The following TDRD5 variants were observed in gnomAD, a reference collection of about 807,000 sequenced individuals.
TDRD5 encodes the protein tudor domain-containing protein 5.
TDRD5 carries 41 observed loss-of-function variants against 120.6 expected under a neutral mutation model. The ratio of observed to expected loss-of-function variants is 0.34; its 90% CI spans 0.26 to 0.44. The LOEUF is 0.44. Ranked by LOEUF, TDRD5 falls within the 20% of genes least tolerant of loss-of-function variation. TDRD5 has a pLI of 1.00. For synonymous variants in TDRD5, 430 were observed against 433.7 expected (o/e 0.99, Z 0.11); for missense variants, 1,006 against 1,221.2 (o/e 0.82, Z 2.63).
intron 6 of TDRD5, among the ~76,000 whole-genome samples, chr1:179,623,020 CAGG>C (rs1312670750): frequency 6.6e-6 from 1 of 152,106 alleles, no homozygotes; most frequent in African/African-American, 2.4e-5. Flanking sequence ...ACACTTCATA[CAGG>C]AGAACAGTGA....
At chr1:179,640,701 G>A (rs186985378) in intron 11 of TDRD5, among the ~76,000 whole-genome samples, 38 of 152,294 alleles carry the variant, frequency 2.5e-4, no homozygotes, top group Admixed American at 1.9e-3. Flanking sequence ...TAATCAGGGA[G>A]GCATTTGAGT....
intron 6 of TDRD5, among the ~76,000 whole-genome samples, chr1:179,628,526 T>C (rs372790141): frequency 6.6e-6 from 1 of 151,184 alleles, no homozygotes; most frequent in East Asian, 1.9e-4. Context: ...GGCTGGTCTC[T>C]AACTCCTGGC....
At chr1:179,678,083 C>T (rs548434824) in intron 17 of TDRD5, among the ~76,000 whole-genome samples, 5 of 151,184 alleles carry the variant, frequency 3.3e-5, no homozygotes, top group Admixed American at 3.3e-4. Flanking sequence ...GCTGCGGCTG[C>T]TATGGGGGTG....
At chr1:179,621,942 T>C (rs1676864622) in intron 6 of TDRD5, among the ~76,000 whole-genome samples, 1 of 152,192 alleles carries the variant, frequency 6.6e-6, no homozygotes. Context: ...ATCCTAACTC[T>C]TAACTACTGT....
intron 6 of TDRD5, among the ~76,000 whole-genome samples, chr1:179,628,319 CTTTTCTTTTTTTTT>C (rs1677245594): frequency 1.3e-5 from 1 of 76,344 alleles, no homozygotes; most frequent in Admixed American, 1.6e-4. Context: ...CTTTTCTTTT[CTTTTCTTTTTTTTT>C]TTTTTTTTTT....
intron 11 of TDRD5, among the ~76,000 whole-genome samples, chr1:179,640,917 A>C (rs1043072859): frequency 1.3e-5 from 2 of 152,176 alleles, no homozygotes; most frequent in Admixed American, 1.3e-4. Context: ...AAGACTGAAC[A>C]TTGTCGTCCT....
In TDRD5 at chr1:179,597,175, A is replaced by G. The variant is rs1675437589; in HGVS notation, c.831+1357A>G. On this transcript the variant is annotated intron_variant, in intron 4 of 17. Coordinates refer to ENST00000444136, the MANE Select transcript of TDRD5 (RefSeq NM_001199085.3). The stretch of plus-strand genomic sequence containing the variant: ...ATTGTATTGAATTGGAAAAATTTAC[A>G]TATTCTAGATGTAAGTCCTTATCAG... Among the ~76,000 whole-genome samples the G allele has an allele frequency of 2.0e-5, 3 of 152,118 alleles. No individual in the cohort carries two copies. In the South Asian group the frequency reaches 6.2e-4, roughly 31 times the overall value.
intron 14 of TDRD5, among the ~76,000 whole-genome samples, chr1:179,661,540 C>G (rs1309973961): frequency 1.3e-5 from 2 of 151,988 alleles, no homozygotes; most frequent in Non-Finnish European, 2.9e-5. Flanking sequence ...TCATTTGATT[C>G]CTTAATAATT....
chr1:179,688,753 CT>C (rs1203858079), intron 17 of TDRD5, among the ~76,000 whole-genome samples: 1 of 152,002 alleles, frequency 6.6e-6, no homozygotes, highest in Non-Finnish European at 1.5e-5. Context: ...TCTTTTTACT[CT>C]TTTTTCTCTA....
At chr1:179,663,907 T>G (rs1381252628) in intron 16 of TDRD5, among the ~76,000 whole-genome samples, 1 of 152,178 alleles carries the variant, frequency 6.6e-6, no homozygotes, top group Non-Finnish European at 1.5e-5. Context: ...TCTAGACTGG[T>G]TTCTTCATTC....
At chr1:179,597,929 G>A (rs78590563) in intron 4 of TDRD5, among the ~76,000 whole-genome samples, 12,923 of 152,202 alleles carry the variant, frequency 0.085, 747 homozygotes, top group Middle Eastern at 0.16. Flanking sequence ...CTTTATTCCT[G>A]TAGCTTTATA....
intron 4 of TDRD5, among the ~76,000 whole-genome samples, chr1:179,617,204 A>C (rs1676606115): frequency 6.6e-6 from 1 of 152,138 alleles, no homozygotes; most frequent in Non-Finnish European, 1.5e-5. Context: ...CATAAACTTG[A>C]TAGGGAGCCA....
In TDRD5 at chr1:179,635,894, G is replaced by T; in HGVS notation, c.1520+7G>T. 6.2e-7 allele frequency: 1 copy of T among 1,610,132 alleles called. No individual in the cohort carries two copies. On this transcript the variant is annotated splice_region_variant and intron_variant, in intron 9 of 17. Coordinates refer to ENST00000444136, the MANE Select transcript of TDRD5 (RefSeq NM_001199085.3). Reference sequence around the variant, plus strand: ...ACATGATGATTGAAATGCGGTAGGAGTCTGTTGTTTTCAATGTGTTTTTCA... The same window carrying T: ...ACATGATGATTGAAATGCGGTAGGATTCTGTTGTTTTCAATGTGTTTTTCA...
chr1:179,600,110 C>T lies in TDRD5; in HGVS notation c.831+4292C>T, dbSNP rs556142208. On this transcript the variant is annotated intron_variant, in intron 4 of 17. Transcript: ENST00000444136. ...TTGTTATCATAGGTGATGACAGCTC[C>T]ATGCATATTATTGTCCCTGAACACC... 8.5e-5 allele frequency among the ~76,000 whole-genome samples: 13 copies of T among 152,166 alleles called. No homozygotes were observed. The South Asian group carries it at 2.7e-3, about 32-fold the overall frequency.
chr1:179,669,739 G>T (rs1417706014), intron 17 of TDRD5, among the ~76,000 whole-genome samples: 1 of 152,144 alleles, frequency 6.6e-6, no homozygotes, highest in African/African-American at 2.4e-5. Context: ...ATTTCCATCA[G>T]CCTGAAAAGT....
intron 4 of TDRD5, among the ~76,000 whole-genome samples, chr1:179,610,942 G>A (rs1039602570): frequency 6.6e-6 from 1 of 152,112 alleles, no homozygotes; most frequent in Non-Finnish European, 1.5e-5. Flanking sequence ...TCATTGACAT[G>A]TTGTAGTTGT....
Position 179,630,848 on chromosome 1 carries a change from C to T in TDRD5, c.1054C>T (p.Leu352Phe). The T allele has an allele frequency of 6.2e-7, 1 of 1,614,136 alleles. No homozygotes were observed. Among genetic ancestry groups the T allele is most frequent in the East Asian group, 2.2e-5 (1 of 44,868 alleles). Residue 352 changes from leucine (L) to phenylalanine (F), a missense_variant, in exon 7 of 18, where the codon CTC (leucine) becomes TTC (phenylalanine). Physicochemically the swap from Leu to Phe is conservative, Grantham distance 22. Around this residue, in one of 3 missense-constraint regions of TDRD5, gnomAD observed 445 missense variants for 515.5 expected, o/e 0.86. Coordinates refer to ENST00000444136, the MANE Select transcript of TDRD5 (RefSeq NM_001199085.3). ...TELVGALSDI[L>F]HVEFRKGHQD... ...ACTTGTTGGAGCTCTTAGTGACATT[C>T]TCCATGTTGAGTTCAGGAAAGGACA...
At chr1:179,671,014 G>C (rs1485156310) in intron 17 of TDRD5, among the ~76,000 whole-genome samples, 1 of 152,180 alleles carries the variant, frequency 6.6e-6, no homozygotes, top group Non-Finnish European at 1.5e-5. Context: ...TCCAATTCAA[G>C]TTAATATTTG....
intron 1 of TDRD5, chr1:179,592,330 G>C: frequency 2.7e-6 from 1 of 368,142 alleles, no homozygotes; most frequent in Non-Finnish European, 5.1e-6. Context: ...GGAAGTTTGC[G>C]TTGGAGTCCA....
Sources: allele counts gnomAD v4.1 joint callset (sites outside exome capture counted in the v4.1 genomes callset), GRCh38; gene constraint gnomAD v4.1.1; regional missense constraint gnomAD v4.1.1; transcripts MANE v1.5; gene names NCBI Gene and HGNC (gene_info 2026-07-23, HGNC 2026-07-21).